KIAA1217: variants seen among roughly 807,000 people sequenced by gnomAD.
KIAA1217 encodes KIAA1217, also known as sickle tail protein homolog.
KIAA1217 carries 88 observed loss-of-function variants against 163.9 expected under a neutral mutation model. The observed-to-expected ratio is 0.54, with a 90% CI of 0.45 to 0.64. KIAA1217 has a LOEUF of 0.64. Ranked by LOEUF, KIAA1217 falls within the 30% of genes least tolerant of loss-of-function variation. The pLI, the probability that KIAA1217 is intolerant of heterozygous loss-of-function variation, is 0.00. For synonymous variants in KIAA1217, 903 were observed against 923.1 expected (o/e 0.98, Z 0.39); for missense variants, 2,372 against 2,475.0 (o/e 0.96, Z 0.88).
At chr10:23,708,766 C>A (rs1209026533) in intron 1 of KIAA1217, among the ~76,000 whole-genome samples, 1 of 151,994 alleles carries the variant, frequency 6.6e-6, no homozygotes, top group Non-Finnish European at 1.5e-5. Context: ...TAAAGGGGGA[C>A]TAATGCAAAA....
intron 2 of KIAA1217, among the ~76,000 whole-genome samples, chr10:24,281,655 T>C (rs1279029041): frequency 1.3e-5 from 2 of 152,192 alleles, no homozygotes; most frequent in Non-Finnish European, 2.9e-5. Flanking sequence ...TCTCCTTCAA[T>C]TGAGACTTGT....
intron 2 of KIAA1217, chr10:24,158,126 A>G: frequency 1.3e-6 from 1 of 754,294 alleles, no homozygotes. Context: ...TGACATTTCT[A>G]GCCTGGGATT....
chr10:23,790,450 TAC>T (rs1452508149), intron 1 of KIAA1217, among the ~76,000 whole-genome samples: 1 of 106,494 alleles, frequency 9.4e-6, no homozygotes, highest in Non-Finnish European at 1.7e-5. Context: ...TATACATATA[TAC>T]ATGTGCATAT....
At chr10:24,055,293 T>A (rs1292980360) in intron 2 of KIAA1217, among the ~76,000 whole-genome samples, 1 of 152,176 alleles carries the variant, frequency 6.6e-6, no homozygotes, top group African/African-American at 2.4e-5. Context: ...AAGAATTTTC[T>A]TGGAAATTTA....
chr10:23,795,644 T>C (rs946700252), intron 1 of KIAA1217, among the ~76,000 whole-genome samples: 7 of 152,192 alleles, frequency 4.6e-5, no homozygotes, highest in African/African-American at 1.7e-4. Flanking sequence ...CAGAGATTCT[T>C]TGCTAAAAAC....
chr10:23,965,373 C>T (rs936412434), intron 1 of KIAA1217, among the ~76,000 whole-genome samples: 1 of 152,174 alleles, frequency 6.6e-6, no homozygotes, highest in Admixed American at 6.5e-5. Flanking sequence ...CCCTATAAGG[C>T]CTCTTGTTCC....
intron 2 of KIAA1217, among the ~76,000 whole-genome samples, chr10:24,347,159 G>A (rs1222897095): frequency 2.6e-5 from 4 of 152,138 alleles, no homozygotes; most frequent in Non-Finnish European, 5.9e-5. Context: ...AAAAGATAAA[G>A]GTCGCAACCA....
intron 2 of KIAA1217, among the ~76,000 whole-genome samples, chr10:24,154,387 A>G (rs1419958829): frequency 6.6e-6 from 1 of 151,124 alleles, no homozygotes; most frequent in Non-Finnish European, 1.5e-5. Context: ...TGATCACGCC[A>G]CTGCACTCCA....
intron 2 of KIAA1217, among the ~76,000 whole-genome samples, chr10:24,081,279 A>T (rs1344200059): frequency 6.6e-6 from 1 of 152,172 alleles, no homozygotes; most frequent in Non-Finnish European, 1.5e-5. Flanking sequence ...TTATGAATAG[A>T]GATGTCTTAA....
chr10:24,501,812 G>A lies in KIAA1217; in HGVS notation c.2001+267G>A, dbSNP rs1195101840. 3.1e-5 allele frequency among the ~76,000 whole-genome samples: 4 copies of A among 128,836 alleles called. No homozygotes were observed. The East Asian group carries it at 7.2e-4, about 23-fold the overall frequency. 84.5% of individuals were successfully genotyped at this position (128,836 alleles called of 152,430 possible). A position where few individuals can be genotyped will look rare whatever the true frequency, so the allele number is the denominator to read the frequency against. On this transcript the variant is annotated intron_variant, in intron 9 of 20. Coordinates refer to ENST00000376454, the MANE Select transcript of KIAA1217 (RefSeq NM_019590.5). ...CCCCCAGGCTGGAGTGCAGTGGCGC[G>A]ATCTCGGCTCACTGCAAGCTCCGTC...
At chr10:24,063,227 T>C (rs1171198175) in intron 2 of KIAA1217, among the ~76,000 whole-genome samples, 2 of 152,224 alleles carry the variant, frequency 1.3e-5, no homozygotes, top group Non-Finnish European at 2.9e-5. Context: ...GCCTATGTCC[T>C]GAATGGTATT....
At chr10:24,198,296 C>T (rs1206471537) in intron 2 of KIAA1217, among the ~76,000 whole-genome samples, 7 of 152,126 alleles carry the variant, frequency 4.6e-5, no homozygotes, top group Non-Finnish European at 7.4e-5. Flanking sequence ...GGATTCTGAC[C>T]TCAACATAAA....
intron 5 of KIAA1217, among the ~76,000 whole-genome samples, chr10:24,470,195 C>T (rs116278019): frequency 3.9e-5 from 6 of 152,208 alleles, no homozygotes; most frequent in Non-Finnish European, 7.3e-5. Flanking sequence ...CTGAGCCATA[C>T]TTTGCTTTTT....
At position 23,855,297 on chromosome 10, in the gene KIAA1217, A is replaced by G. The variant is rs1839593437; in HGVS notation, c.-320-151928A>G. On this transcript the variant is annotated intron_variant, in intron 1 of 18. Transcript: ENST00000376462. ...GAAGCTTAGTTTGGGTGGATATGAAATTCTGGGTTGAAAATTCTTTTCTTT... is the reference window on the plus strand; with the variant it reads ...GAAGCTTAGTTTGGGTGGATATGAAGTTCTGGGTTGAAAATTCTTTTCTTT... 3.3e-5 allele frequency among the ~76,000 whole-genome samples: 5 copies of G among 152,134 alleles called. No individual in the cohort carries two copies. The South Asian group carries it at 1.0e-3, about 32-fold the overall frequency.
chr10:23,744,050 A>T (rs1287686076), intron 1 of KIAA1217, among the ~76,000 whole-genome samples: 1 of 152,174 alleles, frequency 6.6e-6, no homozygotes, highest in African/African-American at 2.4e-5. Context: ...AACACATCCC[A>T]CGTAGAAGGG....
chr10:24,011,654 G>A (rs1219261894), intron 2 of KIAA1217, among the ~76,000 whole-genome samples: 1 of 152,104 alleles, frequency 6.6e-6, no homozygotes, highest in Non-Finnish European at 1.5e-5. Context: ...ATCAATTACA[G>A]GGAAAATGGA....
intron 1 of KIAA1217, among the ~76,000 whole-genome samples, chr10:23,943,198 T>C (rs1163401000): frequency 1.3e-5 from 2 of 151,980 alleles, no homozygotes; most frequent in East Asian, 3.9e-4. Flanking sequence ...GAAGGGAAAA[T>C]AAAAAGTAAA....
Position 23,934,622 on chromosome 10 carries a change from TATA to T in KIAA1217, c.-320-72602_-320-72600del, listed in dbSNP as rs1187960344. Reference sequence around the variant, plus strand: ...ATATATATATGTATATATATATATATATATTTTTTTTTTGAGACGGAGTCTCGC... The same window carrying T: ...ATATATATATGTATATATATATATATTTTTTTTTTTGAGACGGAGTCTCGC... On this transcript the variant is annotated intron_variant, in intron 1 of 18. Transcript: ENST00000376462. Among the ~76,000 whole-genome samples, 21 of 92,924 alleles carry T rather than the reference TATA, an allele frequency of 2.3e-4. 1 individual carries two copies. The highest frequency in any genetic ancestry group is 1.6e-3 in the African/African-American group (19 of 11,850). The allele number at this position is 92,924 out of a possible 152,430, so 61.0% of individuals were successfully genotyped here.
chr10:24,476,573 A>C (rs929378124), intron 6 of KIAA1217, among the ~76,000 whole-genome samples: 1 of 152,218 alleles, frequency 6.6e-6, no homozygotes, highest in African/African-American at 2.4e-5. Context: ...ATATTCACCT[A>C]AAATACAGTC....
Sources: allele counts gnomAD v4.1 joint callset (sites outside exome capture counted in the v4.1 genomes callset), GRCh38; gene constraint gnomAD v4.1.1; transcripts MANE v1.5; gene names NCBI Gene and HGNC (gene_info 2026-07-23, HGNC 2026-07-21).